The following MAP3K4 variants were observed in gnomAD, a reference collection of about 807,000 sequenced individuals.
MAP3K4 encodes the protein mitogen-activated protein kinase kinase kinase 4.
In MAP3K4, 67 loss-of-function variants were observed where a neutral mutation model predicts 185.6. The ratio of observed to expected loss-of-function variants is 0.36; its 90% CI spans 0.30 to 0.44. The LOEUF (loss-of-function observed/expected upper bound fraction) is 0.44. Among genes scored for constraint, MAP3K4 ranks in the 20% least tolerant of loss-of-function variants. The probability of loss-of-function intolerance (pLI) is 1.00; values close to 1 mark genes in which losing one functional copy is unlikely to be tolerated. For synonymous variants in MAP3K4, 702 were observed against 710.4 expected, an observed-to-expected ratio of 0.99 and a Z score of 0.19; for missense variants, 1,551 against 1,995.1, an observed-to-expected ratio of 0.78 and a Z score of 4.24.
At chr6:161,065,305 T>C (rs1180109535) in intron 3 of MAP3K4, among the ~76,000 whole-genome samples, 3 of 152,244 alleles carry the variant, frequency 2.0e-5, no homozygotes, top group African/African-American at 4.8e-5. Context: ...CCTTATATTA[T>C]TGAATCTTCC....
intron 2 of MAP3K4, among the ~76,000 whole-genome samples, chr6:161,046,346 G>A (rs957135039): frequency 1.3e-5 from 2 of 152,024 alleles, no homozygotes; most frequent in Admixed American, 6.5e-5. Context: ...CAGAGCAAGA[G>A]AATTAAAGTT....
In MAP3K4 at chr6:161,108,457, C is replaced by G. The variant is rs1176504263; in HGVS notation, c.4120-286C>G. Among the ~76,000 whole-genome samples, 1 of 152,064 alleles carries G rather than the reference C, an allele frequency of 6.6e-6. No homozygotes were observed. Among genetic ancestry groups the G allele is most frequent in the Non-Finnish European group, 1.5e-5 (1 of 68,022 alleles). ...AGGAGAGGAGTGGAGAGGGGAGGCT[C>G]CAGCGTCTTGCACTTGCCGTGGAGC... On this transcript the variant is annotated intron_variant, in intron 21 of 26. Coordinates refer to ENST00000392142, the MANE Select transcript of MAP3K4 (RefSeq NM_005922.4). This position sits in a 1 kb window ranked among gnomAD's most constrained non-coding sequence, Gnocchi z 5.7.
intron 1 of MAP3K4, among the ~76,000 whole-genome samples, chr6:161,009,195 A>G (rs1318265135): frequency 1.3e-5 from 2 of 152,114 alleles, no homozygotes; most frequent in Non-Finnish European, 2.9e-5. Flanking sequence ...CCTGTTGGCC[A>G]GGATGGTCTC....
chr6:161,048,839 C>G lies in MAP3K4; in HGVS notation c.567C>G (p.Leu189=), dbSNP rs1451098267. The change falls in exon 3 of 27, where the codon CTC becomes CTG. Residue 189 remains leucine, a synonymous_variant. Transcript: ENST00000392142. The surrounding 1 kb of genome is among the most constrained non-coding windows in gnomAD (Gnocchi z 4.7). ...IPDVDLNKPY[L]SLGCSNAKLP... ...ATGTGGATCTCAATAAGCCTTACCTCAGCCTTGGCTGTAGCAATGCTAAGC... is the reference window on the plus strand; with the variant it reads ...ATGTGGATCTCAATAAGCCTTACCTGAGCCTTGGCTGTAGCAATGCTAAGC... 6.2e-7 allele frequency: 1 copy of G among 1,614,200 alleles called. No homozygotes were observed. Among genetic ancestry groups the G allele is most frequent in the South Asian group, 1.1e-5 (1 of 91,086 alleles).
intron 1 of MAP3K4, among the ~76,000 whole-genome samples, chr6:161,010,704 T>G (rs1781805592): frequency 6.6e-6 from 1 of 152,208 alleles, no homozygotes; most frequent in Admixed American, 6.5e-5. Flanking sequence ...ACTCAAACAC[T>G]AATAGTTTAT....
chr6:161,094,128 T>C (rs931042965), intron 15 of MAP3K4, among the ~76,000 whole-genome samples: 1 of 152,188 alleles, frequency 6.6e-6, no homozygotes. Context: ...ACCATTCTTT[T>C]TTCCCCCTTA....
At position 161,087,883 on chromosome 6, in the gene MAP3K4, G is replaced by A. The variant is rs771866758; in HGVS notation, c.2752G>A (p.Gly918Ser). ...DRARDSEDSW[G>S]TWEAQPVKVV... ...AGCCCGTGATTCAGAGGACAGCTGG[G>A]GCACCTGGGAGGCACAGCCTGTCAA... Residue 918 changes from glycine (G) to serine (S), a missense_variant, in exon 10 of 27, where the codon GGC becomes AGC. Physicochemically the swap from Gly to Ser is moderately conservative, Grantham distance 56. Transcript: ENST00000392142. This position sits in a 1 kb window ranked among gnomAD's most constrained non-coding sequence, Gnocchi z 4.9. 6.2e-7 allele frequency: 1 copy of A among 1,614,146 alleles called. No homozygotes were observed. The highest frequency in any genetic ancestry group is 1.7e-5 in the Admixed American group (1 of 60,018).
chr6:161,109,413 G>T lies in MAP3K4; in HGVS notation c.4237-342G>T, dbSNP rs145511840. ...TTATGTTTAAAAAGGATGTGTTTCA[G>T]TACTTAATAATGTATTTGTAGGGAC... On this transcript the variant is annotated intron_variant, in intron 22 of 26. Transcript: ENST00000392142. This position sits in a 1 kb window ranked among gnomAD's most constrained non-coding sequence, Gnocchi z 5.7. Among the ~76,000 whole-genome samples the T allele has an allele frequency of 2.0e-5, 3 of 152,188 alleles. No homozygotes were observed. The highest frequency in any genetic ancestry group is 7.2e-5 in the African/African-American group (3 of 41,450).
rs1262912357 is a variant in MAP3K4 at position 161,101,797 on chromosome 6, C to A, written c.3675-95C>A. The stretch of plus-strand genomic sequence containing the variant: ...GTTGTTCCTGGCAGGCAGAGTTGCC[C>A]CCAGTTGAGAATTATTGCTCTAGAA... On this transcript the variant is annotated intron_variant, in intron 17 of 26. Coordinates refer to ENST00000392142, the MANE Select transcript of MAP3K4 (RefSeq NM_005922.4). This position sits in a 1 kb window ranked among gnomAD's most constrained non-coding sequence, Gnocchi z 5.1. 131 of 1,027,338 alleles carry A rather than the reference C, an allele frequency of 1.3e-4. No homozygotes were observed. 63.6% of individuals were successfully genotyped at this position (1,027,338 alleles called of 1,614,324 possible).
intron 2 of MAP3K4, among the ~76,000 whole-genome samples, chr6:161,042,065 T>C (rs923311170): frequency 6.6e-6 from 1 of 151,972 alleles, no homozygotes; most frequent in Non-Finnish European, 1.5e-5. Context: ...GTTTCAGGCC[T>C]TCTTTTAAAG....
rs530367032 is a variant in MAP3K4, at chr6:161,093,118, T to A, written c.3348+62T>A. On this transcript the variant is annotated intron_variant, in intron 14 of 26. Coordinates refer to ENST00000392142, the MANE Select transcript of MAP3K4 (RefSeq NM_005922.4). This position sits in a 1 kb window ranked among gnomAD's most constrained non-coding sequence, Gnocchi z 5.2. The stretch of plus-strand genomic sequence containing the variant: ...AAGCCAGTCACTCCTTATTTTCTGG[T>A]TGTATATGTTTTATATGTAATAGTG... The A allele has an allele frequency of 4.1e-5, 46 of 1,131,330 alleles. 1 individual carries two copies. The South Asian group carries it at 6.0e-4, about 15-fold the overall frequency. The allele number at this position is 1,131,330 out of a possible 1,614,324, so 70.1% of individuals were successfully genotyped here.
chr6:161,070,415 A>G lies in MAP3K4; in HGVS notation c.1708-193A>G, dbSNP rs1705771842. ...TCTCATTATGGTTTCCAGCATTCTTAGAACTTTTTGGATCTATGTTGAAAA... is the reference window on the plus strand; with the variant it reads ...TCTCATTATGGTTTCCAGCATTCTTGGAACTTTTTGGATCTATGTTGAAAA... On this transcript the variant is annotated intron_variant, in intron 3 of 26. Transcript: ENST00000392142. The surrounding 1 kb of genome is among the most constrained non-coding windows in gnomAD (Gnocchi z 4.5). Among the ~76,000 whole-genome samples, 2 of 152,188 alleles carry G rather than the reference A, an allele frequency of 1.3e-5. No homozygotes were observed. Among genetic ancestry groups the G allele is most frequent in the South Asian group, 2.1e-4 (1 of 4,834 alleles).
At chr6:161,062,379 A>C (rs1187364885) in intron 3 of MAP3K4, among the ~76,000 whole-genome samples, 1 of 152,084 alleles carries the variant, frequency 6.6e-6, no homozygotes, top group African/African-American at 2.4e-5. Context: ...ATTTAGTCTC[A>C]GTTCTTCAGG....
chr6:161,029,273 T>A (rs768604845), intron 1 of MAP3K4, among the ~76,000 whole-genome samples: 20 of 152,154 alleles, frequency 1.3e-4, no homozygotes, highest in African/African-American at 2.4e-4. Context: ...CAGGGGTGGC[T>A]TTTGCAGAAC....
intron 1 of MAP3K4, among the ~76,000 whole-genome samples, chr6:160,994,147 T>C (rs980282264): frequency 4.0e-5 from 6 of 148,530 alleles, no homozygotes; most frequent in Non-Finnish European, 7.4e-5. Flanking sequence ...AATTTTCTTT[T>C]TTATTTTATT....
At chr6:161,024,794 CT>C (rs34708068) in intron 1 of MAP3K4, among the ~76,000 whole-genome samples, 2 of 152,136 alleles carry the variant, frequency 1.3e-5, no homozygotes, top group African/African-American at 2.4e-5. Context: ...TGCAATGTTA[CT>C]TTTTTTTCCA....
At chr6:161,019,438 GTC>G (rs1782271344) in intron 1 of MAP3K4, among the ~76,000 whole-genome samples, 1 of 152,084 alleles carries the variant, frequency 6.6e-6, no homozygotes. Flanking sequence ...TTGAGACGGA[GTC>G]TCTCTCGCCC....
chr6:161,009,911 G>C (rs903584744), intron 1 of MAP3K4, among the ~76,000 whole-genome samples: 1 of 152,156 alleles, frequency 6.6e-6, no homozygotes. Flanking sequence ...GCTAATGCAT[G>C]CTGGGCTTAA....
At chr6:161,068,597 C>A (rs1784804192) in intron 3 of MAP3K4, among the ~76,000 whole-genome samples, 1 of 152,200 alleles carries the variant, frequency 6.6e-6, no homozygotes, top group Non-Finnish European at 1.5e-5. Context: ...GGAACAAAAT[C>A]ACTTTGTGGG....
Sources: gnomAD v4.1 joint callset for allele counts (sites outside exome capture counted in the v4.1 genomes callset) on GRCh38, gnomAD v4.1.1 for gene constraint, Gnocchi (gnomAD v3.1) non-coding constraint, MANE v1.5 for transcripts, NCBI Gene and HGNC (gene_info 2026-07-23, HGNC 2026-07-21) for gene names.